CLVS2: variants seen among roughly 807,000 people sequenced by gnomAD.
The protein encoded by CLVS2 is clavesin-2.
In CLVS2, 19 loss-of-function variants were observed where a neutral mutation model predicts 29.0. The observed-to-expected ratio is 0.66, with a 90% CI of 0.46 to 0.96. CLVS2 has a LOEUF of 0.96. CLVS2 is among the 40% of genes least tolerant of loss of function. CLVS2 has a pLI of 0.00. For missense variants in CLVS2, 294 were observed against 404.1 expected (o/e 0.73, Z 2.34); for synonymous variants, 161 against 151.3 (o/e 1.06, Z -0.47).
At chr6:123,047,731 C>T (rs551821561) in intron 3 of CLVS2, among the ~76,000 whole-genome samples, 2 of 149,320 alleles carry the variant, frequency 1.3e-5, no homozygotes, top group South Asian at 4.4e-4. Context: ...TTCAGAGGCA[C>T]TTCTAGTAGG....
In CLVS2 at chr6:123,055,865, G is replaced by T. The variant is rs1426376807; in HGVS notation, c.735G>T (p.Leu245=). ...SLHQLIHPEI[L]PSEFGGMLPP... is the part of the protein sequence containing the mutation. ...ACCAACTAATTCATCCTGAGATCCT[G>T]CCCTCTGAGTTTGGAGGAATGCTGC... Residue 245 remains leucine, a synonymous_variant, in exon 5 of 6, where the codon CTG becomes CTT. Coordinates refer to ENST00000275162, the MANE Select transcript of CLVS2 (RefSeq NM_001010852.4). The T allele has an allele frequency of 6.2e-7, 1 of 1,613,930 alleles. No individual in the cohort carries two copies. The highest frequency in any genetic ancestry group is 8.5e-7 in the Non-Finnish European group (1 of 1,179,984).
At chr6:123,042,188 A>T (rs1775243132) in intron 3 of CLVS2, among the ~76,000 whole-genome samples, 1 of 152,216 alleles carries the variant, frequency 6.6e-6, no homozygotes, top group South Asian at 2.1e-4. Flanking sequence ...TGATTTTAAA[A>T]TACAGTGTTG....
chr6:123,026,101 A>T (rs1774997231), intron 3 of CLVS2, among the ~76,000 whole-genome samples: 1 of 152,156 alleles, frequency 6.6e-6, no homozygotes, highest in South Asian at 2.1e-4. Context: ...TTCCATGTTA[A>T]GAGTAATATT....
Position 123,072,286 on chromosome 6 carries a change from A to C in CLVS2, c.*8525A>C, listed in dbSNP as rs1193940690. 1.3e-5 allele frequency: 2 copies of C among 152,126 alleles called. No individual in the cohort carries two copies. Among genetic ancestry groups the C allele is most frequent in the Non-Finnish European group, 2.9e-5 (2 of 67,982 alleles). The allele number at this position is 152,126 out of a possible 1,614,324, so 9.4% of individuals were successfully genotyped here. A position where few individuals can be genotyped will look rare whatever the true frequency, so the allele number is the denominator to read the frequency against. On this transcript the variant is annotated 3_prime_UTR_variant, in exon 6 of 6. Transcript: ENST00000275162. ...GAAGAAGAAATATAACCTGAAATAT[A>C]AGAATAGATGTTTGAAACTGTTTCA...
rs1390003327 is a variant in CLVS2, at chr6:123,067,826, C to T, written c.*4065C>T. 1 of 151,604 alleles carries T rather than the reference C, an allele frequency of 6.6e-6. No homozygotes were observed. Among genetic ancestry groups the T allele is most frequent in the Admixed American group, 6.6e-5 (1 of 15,168 alleles). 9.4% of individuals were successfully genotyped at this position (151,604 alleles called of 1,614,324 possible). ...TTAAATATGCAAGGTGTGTAATTAT[C>T]TTCAGTAATGAAAAGGATTTGTTTT... is the stretch of plus-strand genomic sequence containing the variant. On this transcript the variant is annotated 3_prime_UTR_variant, in exon 6 of 6. Coordinates refer to ENST00000275162, the MANE Select transcript of CLVS2 (RefSeq NM_001010852.4).
intron 3 of CLVS2, among the ~76,000 whole-genome samples, chr6:123,036,723 T>A (rs762892623): frequency 6.6e-6 from 1 of 152,182 alleles, no homozygotes; most frequent in Non-Finnish European, 1.5e-5. Flanking sequence ...TGAGCCCCAG[T>A]CTTGCTGTTG....
At chr6:123,043,642 A>C (rs561996018) in intron 3 of CLVS2, among the ~76,000 whole-genome samples, 243 of 152,292 alleles carry the variant, frequency 1.6e-3, no homozygotes, top group African/African-American at 5.3e-3. Context: ...TTGGTTTAGG[A>C]CCCTAGACAG....
intron 3 of CLVS2, among the ~76,000 whole-genome samples, chr6:123,027,663 C>A (rs992155635): frequency 3.3e-5 from 5 of 152,114 alleles, no homozygotes; most frequent in Admixed American, 2.6e-4. Flanking sequence ...GTTTCTTCTG[C>A]ATAGACTAGA....
chr6:123,048,590 T>G, intron 3 of CLVS2, 32 bp from the exon 4 acceptor site: 3 of 1,428,854 alleles, frequency 2.1e-6, no homozygotes, highest in Non-Finnish European at 3.0e-6. Context: ...TTAAAGCATA[T>G]TTTGATTGTT....
rs907252867 is a variant in CLVS2, at chr6:123,069,600, C to T, written c.*5839C>T. 6.6e-6 allele frequency: 1 copy of T among 151,812 alleles called. No individual in the cohort carries two copies. Among genetic ancestry groups the T allele is most frequent in the Admixed American group, 6.6e-5 (1 of 15,192 alleles). 9.4% of individuals were successfully genotyped at this position (151,812 alleles called of 1,614,324 possible). A position where few individuals can be genotyped will look rare whatever the true frequency, so the allele number is the denominator to read the frequency against. On this transcript the variant is annotated 3_prime_UTR_variant, in exon 6 of 6. Transcript: ENST00000275162. ...GTTATCAAGAATCGTTATTGCTGCTCCCTCCTAAAGGCAGGCCAGGAGAAG... is the reference window on the plus strand; with the variant it reads ...GTTATCAAGAATCGTTATTGCTGCTTCCTCCTAAAGGCAGGCCAGGAGAAG...
In CLVS2 at chr6:123,063,830, T is replaced by C; in HGVS notation, c.*69T>C. The C allele has an allele frequency of 1.9e-6, 2 of 1,026,078 alleles. No individual in the cohort carries two copies. The highest frequency in any genetic ancestry group is 3.0e-6 in the Non-Finnish European group (2 of 660,844). The allele number at this position is 1,026,078 out of a possible 1,614,324, so 63.6% of individuals were successfully genotyped here. A position where few individuals can be genotyped will look rare whatever the true frequency, so the allele number is the denominator to read the frequency against. ...TGGTTTTCAGCAACAGGGACAACAC[T>C]GTAGAGGAATTACCAGCTGGAAACC... On this transcript the variant is annotated 3_prime_UTR_variant, in exon 6 of 6. Coordinates refer to ENST00000275162, the MANE Select transcript of CLVS2 (RefSeq NM_001010852.4).
At chr6:123,060,002 G>A (rs1562176530) in intron 5 of CLVS2, among the ~76,000 whole-genome samples, 1 of 152,194 alleles carries the variant, frequency 6.6e-6, no homozygotes, top group Non-Finnish European at 1.5e-5. Context: ...TGAAAAATGA[G>A]ATTAAGAAAG....
chr6:123,055,845 C>G lies in CLVS2; in HGVS notation c.715C>G (p.Leu239Val), dbSNP rs777116578. The G allele has an allele frequency of 6.2e-7, 1 of 1,614,118 alleles. No individual in the cohort carries two copies. Among genetic ancestry groups the G allele is most frequent in the Non-Finnish European group, 8.5e-7 (1 of 1,179,982 alleles). Residue 239 changes from leucine to valine, a missense_variant, in exon 5 of 6, where the codon CTA (leucine) becomes GTA (valine). By Grantham distance (32) the Leu-to-Val change is conservative (BLOSUM62 1). Transcript: ENST00000275162. ...HGNNLNSLHQ[L>V]IHPEILPSEF... The stretch of plus-strand genomic sequence containing the variant: ...TAACAACCTGAACAGTCTACACCAA[C>G]TAATTCATCCTGAGATCCTGCCCTC...
intron 3 of CLVS2, among the ~76,000 whole-genome samples, chr6:123,014,697 G>A (rs1774800991): frequency 6.6e-6 from 1 of 152,066 alleles, no homozygotes; most frequent in Non-Finnish European, 1.5e-5. Flanking sequence ...TTTTCTGGAT[G>A]TGTGCTGCCT....
At chr6:123,030,174 A>G (rs968622898) in intron 3 of CLVS2, among the ~76,000 whole-genome samples, 1 of 152,192 alleles carries the variant, frequency 6.6e-6, no homozygotes, top group Non-Finnish European at 1.5e-5. Flanking sequence ...TTTGAAATAG[A>G]ATTTTAAATG....
chr6:123,069,657 A>C lies in CLVS2; in HGVS notation c.*5896A>C, dbSNP rs1321098346. The C allele has an allele frequency of 1.3e-5, 2 of 151,818 alleles. No individual in the cohort carries two copies. The highest frequency in any genetic ancestry group is 2.9e-5 in the Non-Finnish European group (2 of 67,862). 9.4% of individuals were successfully genotyped at this position (151,818 alleles called of 1,614,324 possible). On this transcript the variant is annotated 3_prime_UTR_variant, in exon 6 of 6. Transcript: ENST00000275162. ...TTCCAGCAGTAGTATCCTCAGTGGG[A>C]ATGAACCAGAAAACAAAGAAAAAGC...
At chr6:123,055,164 T>G (rs1772674848) in intron 4 of CLVS2, among the ~76,000 whole-genome samples, 1 of 152,160 alleles carries the variant, frequency 6.6e-6, no homozygotes, top group Non-Finnish European at 1.5e-5. Context: ...ATGGAAATCT[T>G]TAGTAGAGAA....
Position 123,063,889 on chromosome 6 carries a change from C to A in CLVS2, c.*128C>A. ...CATGTTAATGTAGCATAATATATAACAAGGCATCAGGCTTTCCTTGGCCTG... is the reference window on the plus strand; with the variant it reads ...CATGTTAATGTAGCATAATATATAAAAAGGCATCAGGCTTTCCTTGGCCTG... On this transcript the variant is annotated 3_prime_UTR_variant, in exon 6 of 6. Transcript: ENST00000275162. 1 of 575,414 alleles carries A rather than the reference C, an allele frequency of 1.7e-6. No individual in the cohort carries two copies. Among genetic ancestry groups the A allele is most frequent in the Non-Finnish European group, 3.0e-6 (1 of 331,316 alleles). The allele number at this position is 575,414 out of a possible 1,614,324, so 35.6% of individuals were successfully genotyped here. A position where few individuals can be genotyped will look rare whatever the true frequency, so the allele number is the denominator to read the frequency against.
At chr6:123,054,584 G>A (rs1470129143) in intron 4 of CLVS2, among the ~76,000 whole-genome samples, 1 of 152,108 alleles carries the variant, frequency 6.6e-6, no homozygotes, top group Non-Finnish European at 1.5e-5. Context: ...TACTTCAGTG[G>A]ATTCTGAAGG....
Sources: allele counts gnomAD v4.1 joint callset (sites outside exome capture counted in the v4.1 genomes callset), GRCh38; gene constraint gnomAD v4.1.1; transcripts MANE v1.5; gene names NCBI Gene and HGNC (gene_info 2026-07-23, HGNC 2026-07-21).